Variants in SLC6A2 observed in about 807,000 individuals in gnomAD.
SLC6A2 encodes solute carrier family 6 member 2.
SLC6A2 carries 26 observed loss-of-function variants against 71.7 expected under a neutral mutation model. That is an observed-to-expected ratio of 0.36 (90% CI 0.27 to 0.50). The LOEUF is 0.50. Ranked by LOEUF, SLC6A2 falls within the 20% of genes least tolerant of loss-of-function variation. The pLI is 0.96. For missense variants in SLC6A2, 581 were observed against 803.9 expected, an observed-to-expected ratio of 0.72 and a Z score of 3.35; for synonymous variants, 363 against 337.9, an observed-to-expected ratio of 1.07 and a Z score of -0.82.
intron 3 of SLC6A2, among the ~76,000 whole-genome samples, chr16:55,670,269 A>G (rs934980227): frequency 6.6e-6 from 1 of 152,190 alleles, no homozygotes; most frequent in Admixed American, 6.5e-5. Context: ...TGGTTGGAGA[A>G]CTGGGCACAG....
At chr16:55,668,988 T>C (rs1964828771) in intron 2 of SLC6A2, among the ~76,000 whole-genome samples, 1 of 152,200 alleles carries the variant, frequency 6.6e-6, no homozygotes, top group Non-Finnish European at 1.5e-5. Flanking sequence ...GACTGGTTAT[T>C]ATGTTTGCAG....
intron 5 of SLC6A2, among the ~76,000 whole-genome samples, chr16:55,689,077 T>C (rs1192375827): frequency 6.6e-6 from 1 of 152,218 alleles, no homozygotes; most frequent in African/African-American, 2.4e-5. Flanking sequence ...GGACCAAGTC[T>C]AGGTTCTCAT....
At chr16:55,697,747 TG>T in intron 9 of SLC6A2, 149 bp from the exon 10 acceptor site, 1 of 733,294 alleles carries the variant, frequency 1.4e-6, no homozygotes, top group Non-Finnish European at 2.3e-6. Flanking sequence ...GACGAGAGGA[TG>T]GGGAAGGCAG....
intron 2 of SLC6A2, among the ~76,000 whole-genome samples, chr16:55,668,281 C>A (rs963626247): frequency 1.3e-5 from 2 of 152,142 alleles, no homozygotes; most frequent in African/African-American, 4.8e-5. Flanking sequence ...TATCTTGAAA[C>A]CTTAGTTTCC....
At position 55,656,658 on chromosome 16, in the gene SLC6A2, C is replaced by G; in HGVS notation, c.-37C>G. 6.2e-7 allele frequency: 1 copy of G among 1,610,770 alleles called. No individual in the cohort carries two copies. The highest frequency in any genetic ancestry group is 8.5e-7 in the Non-Finnish European group (1 of 1,179,762). On this transcript the variant is annotated 5_prime_UTR_variant, in exon 2 of 15. Transcript: ENST00000568943. This position sits in a 1 kb window ranked among gnomAD's most constrained non-coding sequence, Gnocchi z 4.5. Reference sequence around the variant, plus strand: ...TATCCAAGCAGAGCCTCGGCGTGCCCCCAGGACCGGTAAAGTTCCTCTCGC... The same window carrying G: ...TATCCAAGCAGAGCCTCGGCGTGCCGCCAGGACCGGTAAAGTTCCTCTCGC...
rs547771033 is a variant in SLC6A2, at chr16:55,676,227, G to C, written c.644+4052G>C. Among the ~76,000 whole-genome samples, 89 of 152,316 alleles carry C rather than the reference G, an allele frequency of 5.8e-4. 1 individual carries two copies. Among genetic ancestry groups the C allele is most frequent in the African/African-American group, 2.1e-3 (88 of 41,568 alleles). On this transcript the variant is annotated intron_variant, in intron 4 of 14. Coordinates refer to ENST00000568943, the MANE Select transcript of SLC6A2 (RefSeq NM_001172501.3). ...CTCCCAGAGGATCTGAATCACTGCTGTCACTGAACATCAGCATCTGCTGTA... is the reference window on the plus strand; with the variant it reads ...CTCCCAGAGGATCTGAATCACTGCTCTCACTGAACATCAGCATCTGCTGTA...
In SLC6A2 at chr16:55,669,648, A is replaced by T. The variant is rs1331457496; in HGVS notation, c.358A>T (p.Asn120Tyr). Residue 120 changes from asparagine to tyrosine, a missense_variant, in exon 3 of 15, where the codon AAC becomes TAC. By Grantham distance (143) the Asn-to-Tyr change is moderately radical (BLOSUM62 -2). Transcript: ENST00000568943. ...CATGGAGCTGGCTCTGGGACAGTAC[A>T]ACCGGGAGGGGGCTGCCACCGTTTG... ...FYMELALGQY[N>Y]REGAATVWKI... is the part of the protein sequence containing the mutation. The T allele has an allele frequency of 1.9e-6, 3 of 1,614,036 alleles. No individual in the cohort carries two copies. In the South Asian group the frequency reaches 3.3e-5, roughly 18 times the overall value.
intron 10 of SLC6A2, 21 bp from the exon 11 acceptor site, chr16:55,698,448 C>T (rs767842653): frequency 2.5e-6 from 4 of 1,581,228 alleles, no homozygotes; most frequent in Non-Finnish European, 3.5e-6. Flanking sequence ...GGCCTCTTGG[C>T]TTCTTCTCTC....
intron 5 of SLC6A2, among the ~76,000 whole-genome samples, chr16:55,690,710 G>A (rs1335673941): frequency 2.0e-5 from 3 of 152,048 alleles, no homozygotes; most frequent in Non-Finnish European, 4.4e-5. Context: ...CATCTGGGGA[G>A]CTTTAAAAAA....
At chr16:55,698,175 G>T in intron 10 of SLC6A2, 150 bp downstream of exon 10, 1 of 834,382 alleles carries the variant, frequency 1.2e-6, no homozygotes. Flanking sequence ...ACCCACTAGG[G>T]TTAGGCCCAG....
intron 5 of SLC6A2, among the ~76,000 whole-genome samples, chr16:55,690,531 T>G (rs1241106481): frequency 1.3e-5 from 2 of 152,176 alleles, no homozygotes; most frequent in Non-Finnish European, 2.9e-5. Flanking sequence ...TGGAACCATC[T>G]GGCATTTAGG....
rs1597024320 is a variant in SLC6A2, at chr16:55,705,344, T to C, written c.*2998T>C. ...CAGCTGGGAGCCAGTTCCTGCTATA[T>C]GATCTGTTTTCTAGCCTCGCTAATG... On this transcript the variant is annotated 3_prime_UTR_variant, in exon 15 of 15. Transcript: ENST00000568943. The C allele has an allele frequency of 4.7e-6, 5 of 1,063,652 alleles. No individual in the cohort carries two copies. Among genetic ancestry groups the C allele is most frequent in the East Asian group, 5.2e-5 (2 of 38,506 alleles). 65.9% of individuals were successfully genotyped at this position (1,063,652 alleles called of 1,614,324 possible).
intron 3 of SLC6A2, 39 bp from the exon 4 acceptor site, chr16:55,671,899 G>A (rs1365009601): frequency 6.2e-7 from 1 of 1,613,348 alleles, no homozygotes; most frequent in Non-Finnish European, 8.5e-7. Context: ...GTGGGGCTGG[G>A]CCTGGGAGAC....
intron 9 of SLC6A2, 131 bp from the exon 10 acceptor site, chr16:55,697,766 T>A: frequency 1.1e-6 from 1 of 886,652 alleles, no homozygotes; most frequent in Non-Finnish European, 1.8e-6. Flanking sequence ...CAGGACGTGC[T>A]GATTTCTCGA....
chr16:55,674,062 C>T (rs902898615), intron 4 of SLC6A2, among the ~76,000 whole-genome samples: 8 of 151,970 alleles, frequency 5.3e-5, no homozygotes, highest in Non-Finnish European at 8.8e-5. Context: ...TTTGGGGGTA[C>T]ACAAGTAGGT....
chr16:55,682,292 T>C (rs182718531), intron 4 of SLC6A2, among the ~76,000 whole-genome samples: 1 of 152,230 alleles, frequency 6.6e-6, no homozygotes, highest in East Asian at 1.9e-4. Flanking sequence ...AGTTTCCGTA[T>C]GGGAAAATGT....
chr16:55,677,123 T>C (rs552752344), intron 4 of SLC6A2, among the ~76,000 whole-genome samples: 1 of 152,298 alleles, frequency 6.6e-6, no homozygotes, highest in African/African-American at 2.4e-5. Context: ...GGCTGACATC[T>C]CTATAGACTC....
chr16:55,677,268 G>A (rs1796049001), intron 4 of SLC6A2, among the ~76,000 whole-genome samples: 2 of 152,064 alleles, frequency 1.3e-5, no homozygotes, highest in South Asian at 4.1e-4. Context: ...TGGAGGGGAA[G>A]GTGGTAAAGA....
chr16:55,669,026 A>G (rs545022802), intron 2 of SLC6A2, among the ~76,000 whole-genome samples: 5 of 152,312 alleles, frequency 3.3e-5, no homozygotes, highest in African/African-American at 1.2e-4. Flanking sequence ...AGAAGAATCC[A>G]GTGAGATCAT....
Sources: allele counts gnomAD v4.1 joint callset (sites outside exome capture counted in the v4.1 genomes callset), GRCh38; gene constraint gnomAD v4.1.1; non-coding constraint Gnocchi (gnomAD v3.1); transcripts MANE v1.5; gene names NCBI Gene and HGNC (gene_info 2026-07-23, HGNC 2026-07-21).